Variants in BAG5 observed in about 807,000 individuals in gnomAD.
BAG5 encodes BAG family molecular chaperone regulator 5.
A neutral mutation model predicts 31.8 loss-of-function variants in BAG5; 25 were observed. That is an observed-to-expected ratio of 0.79 (90% CI 0.57 to 1.10). The LOEUF is 1.10. BAG5 is among the 50% of genes least tolerant of loss of function. The pLI is 0.00. For missense variants in BAG5, 491 were observed against 527.9 expected (o/e 0.93, Z 0.68); for synonymous variants, 208 against 205.0 (o/e 1.01, Z -0.13).
chr14:103,557,601 A>G lies in BAG5; in HGVS notation c.*2220T>C, dbSNP rs917758946. On this transcript the variant is annotated 3_prime_UTR_variant, in exon 2 of 2. Coordinates refer to ENST00000299204, the MANE Select transcript of BAG5 (RefSeq NM_001015048.3). ...AGGGAATGCTGACATTTAACTTTAC[A>G]AAATGAAATTTAAAATGTAAGTAGT... 7 of 152,240 alleles carry G rather than the reference A, an allele frequency of 4.6e-5. No individual in the cohort carries two copies. The highest frequency in any genetic ancestry group is 1.0e-4 in the Non-Finnish European group (7 of 68,046). The allele number at this position is 152,240 out of a possible 1,614,324, so 9.4% of individuals were successfully genotyped here.
chr14:103,560,491 G>C lies in BAG5; in HGVS notation c.674C>G (p.Ala225Gly). 6.2e-7 allele frequency: 1 copy of C among 1,614,074 alleles called. No individual in the cohort carries two copies. The highest frequency in any genetic ancestry group is 1.1e-5 in the South Asian group (1 of 91,074). Residue 225 changes from alanine (A) to glycine (G), a missense_variant, in exon 2 of 2, where the codon GCT (alanine) becomes GGT (glycine). By Grantham distance (60) the Ala-to-Gly change is moderately conservative (BLOSUM62 0). Coordinates refer to ENST00000299204, the MANE Select transcript of BAG5 (RefSeq NM_001015048.3). The stretch of plus-strand genomic sequence containing the variant: ...GCACACATCTAGAGCATCCAGGTCA[G>C]CGATCAGCCCCGAGAGCACACAGGA... ...HLSCVLSGLI[A>G]DLDALDVCGR...
In BAG5 at chr14:103,560,011, G is replaced by A. The variant is rs1196225314; in HGVS notation, c.1154C>T (p.Ser385Leu). The A allele has an allele frequency of 1.9e-6, 3 of 1,614,054 alleles. No homozygotes were observed. The highest frequency in any genetic ancestry group is 2.2e-5 in the East Asian group (1 of 44,898). ...NLSEIQGEVL[S>L]FDGNRTDKNY... ...CTTATCGGTTCGATTTCCATCAAAT[G>A]AAAGAACTTCTCCCTGGATCTCAGA... Residue 385 changes from serine to leucine, a missense_variant, in exon 2 of 2, where the codon TCA (serine) becomes TTA (leucine). By Grantham distance (145) the Ser-to-Leu change is moderately radical. Transcript: ENST00000299204.
At position 103,560,728 on chromosome 14, in the gene BAG5, C is replaced by T. The variant is rs1462641935; in HGVS notation, c.437G>A (p.Arg146Gln). 1.9e-6 allele frequency: 3 copies of T among 1,613,932 alleles called. No individual in the cohort carries two copies. The highest frequency in any genetic ancestry group is 2.2e-5 in the South Asian group (2 of 91,080). ...HVKTGGKISL[R>Q]KARYHTLTKI... Reference sequence around the variant, plus strand: ...GGTTAAAGTGTGATACCTTGCTTTCCGCAAGGAGATTTTTCCTCCAGTTTT... The same window carrying T: ...GGTTAAAGTGTGATACCTTGCTTTCTGCAAGGAGATTTTTCCTCCAGTTTT... Residue 146 changes from arginine (R) to glutamine (Q), a missense_variant, in exon 2 of 2, where the codon CGG becomes CAG. Physicochemically the swap from Arg to Gln is conservative, Grantham distance 43. Transcript: ENST00000299204.
intron 1 of BAG5, chr14:103,562,340 C>A (rs1422499063): frequency 3.2e-6 from 1 of 313,730 alleles, no homozygotes; most frequent in African/African-American, 2.2e-5. Context: ...TCACAATGGG[C>A]GCGCGAGGGG....
At position 103,560,005 on chromosome 14, in the gene BAG5, T is replaced by C; in HGVS notation, c.1160A>G (p.Asp387Gly). ...SEIQGEVLSF[D>G]GNRTDKNYIR... is the part of the protein sequence containing the mutation. The stretch of plus-strand genomic sequence containing the variant: ...GTAGTTCTTATCGGTTCGATTTCCA[T>C]CAAATGAAAGAACTTCTCCCTGGAT... Residue 387 changes from aspartate (D) to glycine (G), a missense_variant, in exon 2 of 2, where the codon GAT becomes GGT. Coordinates refer to ENST00000299204, the MANE Select transcript of BAG5 (RefSeq NM_001015048.3). The C allele has an allele frequency of 6.2e-7, 1 of 1,614,220 alleles. No homozygotes were observed. The highest frequency in any genetic ancestry group is 8.5e-7 in the Non-Finnish European group (1 of 1,180,040).
Position 103,562,625 on chromosome 14 carries a change from C to G in BAG5, c.-38G>C. ...GCCGCGCTTCGCTCACCTGTCCCGC[C>G]CGCGCCATCGCGCGATGCGTCGCCG... is the stretch of plus-strand genomic sequence containing the variant. On this transcript the variant is annotated 5_prime_UTR_variant, in exon 1 of 2. Coordinates refer to ENST00000299204, the MANE Select transcript of BAG5 (RefSeq NM_001015048.3). The G allele has an allele frequency of 5.3e-6, 1 of 189,784 alleles. No individual in the cohort carries two copies. Among genetic ancestry groups the G allele is most frequent in the Non-Finnish European group, 1.1e-5 (1 of 92,982 alleles). 11.8% of individuals were successfully genotyped at this position (189,784 alleles called of 1,614,324 possible).
Position 103,560,484 on chromosome 14 carries a change from C to G in BAG5, c.681G>C (p.Leu227=). 6.2e-7 allele frequency: 1 copy of G among 1,614,100 alleles called. No individual in the cohort carries two copies. Among genetic ancestry groups the G allele is most frequent in the Non-Finnish European group, 8.5e-7 (1 of 1,180,040 alleles). Residue 227 remains leucine, a synonymous_variant, in exon 2 of 2, where the codon CTG becomes CTC. Coordinates refer to ENST00000299204, the MANE Select transcript of BAG5 (RefSeq NM_001015048.3). ...SCVLSGLIAD[L]DALDVCGRTE... is the part of the protein sequence containing the mutation. ...TCCGGCCGCACACATCTAGAGCATC[C>G]AGGTCAGCGATCAGCCCCGAGAGCA... is the stretch of plus-strand genomic sequence containing the variant.
intron 1 of BAG5, chr14:103,562,249 G>A (rs1033828268): frequency 1.4e-5 from 7 of 515,698 alleles, no homozygotes; most frequent in South Asian, 2.2e-5. Flanking sequence ...CGGGGCAGCC[G>A]GTGAAGGGGC....
Position 103,560,989 on chromosome 14 carries a change from T to C in BAG5, c.176A>G (p.Glu59Gly), listed in dbSNP as rs937465514. ...AGCTTGCTGAATATCTCCTTTTCCTTCAGTATCTACAGAGTCTATTTCAAA... is the reference window on the plus strand; with the variant it reads ...AGCTTGCTGAATATCTCCTTTTCCTCCAGTATCTACAGAGTCTATTTCAAA... The part of the protein sequence containing the change: ...QLFEIDSVDT[E>G]GKGDIQQARK... The change falls in exon 2 of 2, where the codon GAA becomes GGA. Residue 59 changes from glutamate (E) to glycine (G), a missense_variant. Transcript: ENST00000299204. 1 of 1,614,172 alleles carries C rather than the reference T, an allele frequency of 6.2e-7. No individual in the cohort carries two copies. The highest frequency in any genetic ancestry group is 8.5e-7 in the Non-Finnish European group (1 of 1,180,046).
At chr14:103,562,298 C>T (rs1428815101) in intron 1 of BAG5, 4 of 411,524 alleles carry the variant, frequency 9.7e-6, no homozygotes, top group Non-Finnish European at 1.8e-5. Context: ...CGTCTTGGCC[C>T]GGGTGCCAGG....
At position 103,559,651 on chromosome 14, in the gene BAG5, AATG is replaced by A. The variant is rs907697014; in HGVS notation, c.*167_*169del. ...CCGAATGGAAAAGTTAACGTGCTGT[AATG>A]ATATTTGTCTTGCAACATCAAAAGC... On this transcript the variant is annotated 3_prime_UTR_variant, in exon 2 of 2. Coordinates refer to ENST00000299204, the MANE Select transcript of BAG5 (RefSeq NM_001015048.3). 86 of 733,688 alleles carry A rather than the reference AATG, an allele frequency of 1.2e-4. No individual in the cohort carries two copies. The highest frequency in any genetic ancestry group is 2.4e-4 in the East Asian group (9 of 37,220). 45.4% of individuals were successfully genotyped at this position (733,688 alleles called of 1,614,324 possible).
chr14:103,557,968 G>A lies in BAG5; in HGVS notation c.*1853C>T, dbSNP rs1490452264. The A allele has an allele frequency of 1.3e-5, 2 of 152,100 alleles. No homozygotes were observed. The highest frequency in any genetic ancestry group is 2.9e-5 in the Non-Finnish European group (2 of 68,024). The allele number at this position is 152,100 out of a possible 1,614,324, so 9.4% of individuals were successfully genotyped here. A position where few individuals can be genotyped will look rare whatever the true frequency, so the allele number is the denominator to read the frequency against. ...AGATGGCACCACTGCACTGCAGCCT[G>A]GGCAACAGAGACTCCATCTCAAAAA... On this transcript the variant is annotated 3_prime_UTR_variant, in exon 2 of 2. Transcript: ENST00000299204.
In BAG5 at chr14:103,559,559, T is replaced by G; in HGVS notation, c.*262A>C. 1 of 376,568 alleles carries G rather than the reference T, an allele frequency of 2.7e-6. No homozygotes were observed. Among genetic ancestry groups the G allele is most frequent in the Non-Finnish European group, 4.8e-6 (1 of 210,242 alleles). 23.3% of individuals were successfully genotyped at this position (376,568 alleles called of 1,614,324 possible). A position where few individuals can be genotyped will look rare whatever the true frequency, so the allele number is the denominator to read the frequency against. Reference sequence around the variant, plus strand: ...TCTACAAAAGCTGCCTCTATTTTGTTTTCTGATTAAAAACGCAAAAAAAAG... The same window carrying G: ...TCTACAAAAGCTGCCTCTATTTTGTGTTCTGATTAAAAACGCAAAAAAAAG... On this transcript the variant is annotated 3_prime_UTR_variant, in exon 2 of 2. Coordinates refer to ENST00000299204, the MANE Select transcript of BAG5 (RefSeq NM_001015048.3).
Position 103,560,012 on chromosome 14 carries a change from A to C in BAG5, c.1153T>G (p.Ser385Ala). The part of the protein sequence containing the change: ...NLSEIQGEVL[S>A]FDGNRTDKNY... ...TTATCGGTTCGATTTCCATCAAATG[A>C]AAGAACTTCTCCCTGGATCTCAGAC... The change falls in exon 2 of 2, where the codon TCA becomes GCA. Residue 385 changes from serine (S) to alanine (A), a missense_variant. Physicochemically the swap from Ser to Ala is moderately conservative, Grantham distance 99 (BLOSUM62 1). Coordinates refer to ENST00000299204, the MANE Select transcript of BAG5 (RefSeq NM_001015048.3). The C allele has an allele frequency of 6.2e-7, 1 of 1,614,202 alleles. No homozygotes were observed. Among genetic ancestry groups the C allele is most frequent in the Non-Finnish European group, 8.5e-7 (1 of 1,180,044 alleles).
At position 103,558,723 on chromosome 14, in the gene BAG5, A is replaced by G. The variant is rs1214809662; in HGVS notation, c.*1098T>C. ...AGCAGGTTTCACTGATTGGTCCTGG[A>G]GCAGGTGTAGTTATGACATTTACTA... On this transcript the variant is annotated 3_prime_UTR_variant, in exon 2 of 2. Transcript: ENST00000299204. The G allele has an allele frequency of 6.6e-6, 1 of 152,226 alleles. No individual in the cohort carries two copies. Among genetic ancestry groups the G allele is most frequent in the Non-Finnish European group, 1.5e-5 (1 of 68,050 alleles). 9.4% of individuals were successfully genotyped at this position (152,226 alleles called of 1,614,324 possible).
At chr14:103,561,985 G>A (rs1346644373) in intron 1 of BAG5, 1 of 1,613,808 alleles carries the variant, frequency 6.2e-7, no homozygotes, top group South Asian at 1.1e-5. Flanking sequence ...CTCGCTCAAG[G>A]TGGGTAACCA....
intron 1 of BAG5, chr14:103,561,919 C>G: frequency 6.2e-7 from 1 of 1,609,172 alleles, no homozygotes; most frequent in Non-Finnish European, 8.5e-7. Flanking sequence ...TCGCCTCCCA[C>G]TGGGAGTCCA....
rs1316392518 is a variant in BAG5 at position 103,560,624 on chromosome 14, G to T, written c.541C>A (p.Pro181Thr). Residue 181 changes from proline to threonine, a missense_variant, in exon 2 of 2, where the codon CCT (proline) becomes ACT (threonine). By Grantham distance (38) the Pro-to-Thr change is conservative (BLOSUM62 -1). Coordinates refer to ENST00000299204, the MANE Select transcript of BAG5 (RefSeq NM_001015048.3). ...PSLPLSEDAH[P>T]SVAKINFVMC... ...ACGAAGTTGATTTTGGCAACGGAAGGATGTGCATCCTCGGAAAGCGGCAGG... is the reference window on the plus strand; with the variant it reads ...ACGAAGTTGATTTTGGCAACGGAAGTATGTGCATCCTCGGAAAGCGGCAGG... 1 of 1,614,168 alleles carries T rather than the reference G, an allele frequency of 6.2e-7. No homozygotes were observed. The highest frequency in any genetic ancestry group is 1.1e-5 in the South Asian group (1 of 91,074).
intron 1 of BAG5, chr14:103,561,987 G>C (rs1384477972): frequency 1.2e-6 from 2 of 1,613,830 alleles, no homozygotes. Context: ...CGCTCAAGGT[G>C]GGTAACCAAT....
Sources: gnomAD v4.1 joint callset for allele counts on GRCh38, gnomAD v4.1.1 for gene constraint, MANE v1.5 for transcripts, NCBI Gene and HGNC (gene_info 2026-07-23, HGNC 2026-07-21) for gene names.